Variants in KIF13B observed in about 807,000 individuals in gnomAD.
KIF13B encodes kinesin-like protein KIF13B.
Under a neutral mutation model 222.0 loss-of-function variants are expected in KIF13B, and 127 were observed. That is an observed-to-expected ratio of 0.57 (90% CI 0.50 to 0.66). The LOEUF is 0.66. Ranked by LOEUF, KIF13B falls within the 30% of genes least tolerant of loss-of-function variation. KIF13B has a pLI of 0.00. For synonymous variants in KIF13B, 976 were observed against 919.0 expected, an observed-to-expected ratio of 1.06 and a Z score of -1.12; for missense variants, 2,173 against 2,379.0, an observed-to-expected ratio of 0.91 and a Z score of 1.80.
At chr8:29,236,602 T>C (rs955836708) in intron 2 of KIF13B, among the ~76,000 whole-genome samples, 9 of 152,330 alleles carry the variant, frequency 5.9e-5, no homozygotes, top group Middle Eastern at 3.4e-3. Flanking sequence ...AACATAAAGA[T>C]AGTCACTACT....
At chr8:29,120,343 C>G (rs1251607590) in intron 29 of KIF13B, among the ~76,000 whole-genome samples, 1 of 98,082 alleles carries the variant, frequency 1.0e-5, no homozygotes, top group Non-Finnish European at 2.0e-5. Flanking sequence ...CCCGACCCCA[C>G]CACAGTCCCC....
Position 29,071,604 on chromosome 8 carries a change from A to C in KIF13B, c.5218+16T>G, listed in dbSNP as rs1342972012. ...CCCCCGGCACCACCCTGGAGCCCGG[A>C]GTGCCCGGTACCCACCTGAGGGCAG... On this transcript the variant is annotated intron_variant, in intron 39 of 39. Transcript: ENST00000524189. The surrounding 1 kb of genome is among the most constrained non-coding windows in gnomAD (Gnocchi z 4.9). 1.3e-6 allele frequency: 2 copies of C among 1,543,644 alleles called. No homozygotes were observed. Among genetic ancestry groups the C allele is most frequent in the Non-Finnish European group, 1.7e-6 (2 of 1,144,212 alleles).
intron 18 of KIF13B, among the ~76,000 whole-genome samples, chr8:29,144,952 GAGA>G (rs1367587127): frequency 2.0e-5 from 3 of 152,224 alleles, no homozygotes; most frequent in African/African-American, 7.2e-5. Context: ...AGAGGTTACG[GAGA>G]AAAGGGCTGC....
intron 38 of KIF13B, among the ~76,000 whole-genome samples, chr8:29,073,928 C>CT (rs1484137708): frequency 3.3e-5 from 5 of 152,208 alleles, no homozygotes; most frequent in Non-Finnish European, 7.3e-5. Flanking sequence ...CATAAATACT[C>CT]TAAAAGATTA....
At chr8:29,230,203 G>A (rs1352604580) in intron 2 of KIF13B, among the ~76,000 whole-genome samples, 1 of 152,094 alleles carries the variant, frequency 6.6e-6, no homozygotes, top group Admixed American at 6.5e-5. Flanking sequence ...TACACAGCTG[G>A]TAAACAGTAG....
chr8:29,203,592 G>T (rs563825979), intron 2 of KIF13B, among the ~76,000 whole-genome samples: 1 of 152,136 alleles, frequency 6.6e-6, no homozygotes, highest in East Asian at 1.9e-4. Context: ...TGAAACACAC[G>T]ACATTAAGAC....
intron 2 of KIF13B, among the ~76,000 whole-genome samples, chr8:29,204,432 G>C (rs1202358821): frequency 1.3e-5 from 2 of 152,124 alleles, no homozygotes; most frequent in African/African-American, 4.8e-5. Flanking sequence ...CTTAAATCTA[G>C]CCAGGTACAG....
At chr8:29,232,535 A>T (rs1440985837) in intron 2 of KIF13B, among the ~76,000 whole-genome samples, 1 of 151,764 alleles carries the variant, frequency 6.6e-6, no homozygotes, top group Non-Finnish European at 1.5e-5. Context: ...AAAAACAAAA[A>T]TAAAGTTAGT....
chr8:29,142,302 C>G lies in KIF13B; in HGVS notation c.2189G>C (p.Arg730Pro). ...TGCAGGCTCACTAAGAAGAGAGCCTCGCTGCAAAGAGAGTAAGAATGACCG... is the reference window on the plus strand; with the variant it reads ...TGCAGGCTCACTAAGAAGAGAGCCTGGCTGCAAAGAGAGTAAGAATGACCG... ...PASSLDANRKRGSLLSEPAIQ... is the reference protein window; with the variant it reads ...PASSLDANRKPGSLLSEPAIQ... The change falls in exon 19 of 40, where the codon CGA becomes CCA. Residue 730 changes from arginine to proline, a missense_variant and splice_region_variant. Physicochemically the swap from Arg to Pro is moderately radical, Grantham distance 103. Coordinates refer to ENST00000524189, the MANE Select transcript of KIF13B (RefSeq NM_015254.4). 6.2e-7 allele frequency: 1 copy of G among 1,610,526 alleles called. No homozygotes were observed. The highest frequency in any genetic ancestry group is 8.5e-7 in the Non-Finnish European group (1 of 1,178,192).
intron 5 of KIF13B, among the ~76,000 whole-genome samples, chr8:29,186,969 C>CA (rs766708048): frequency 0.04 from 2,709 of 68,186 alleles, 58 homozygotes; most frequent in African/African-American, 0.095. Flanking sequence ...ACTCCATCTC[C>CA]AAAAAAAAAA....
At chr8:29,196,257 AAAAT>A in intron 2 of KIF13B, 58 bp from the exon 3 acceptor site, 1 of 1,489,078 alleles carries the variant, frequency 6.7e-7, no homozygotes, top group Non-Finnish European at 9.0e-7. Context: ...AAAAAAAAAA[AAAAT>A]TTAGTTTAGA....
At chr8:29,222,515 C>CTTTTTTTTTTTTTTT (rs58488862) in intron 2 of KIF13B, among the ~76,000 whole-genome samples, 3 of 60,594 alleles carry the variant, frequency 5.0e-5, no homozygotes, top group African/African-American at 1.5e-4. Flanking sequence ...CCACACCTGA[C>CTTTTTTTTTTTTTTT]TTTTTTTTTT....
intron 37 of KIF13B, among the ~76,000 whole-genome samples, chr8:29,084,834 T>C (rs766422953): frequency 4.6e-5 from 7 of 152,372 alleles, no homozygotes; most frequent in Non-Finnish European, 1.0e-4. Context: ...TGAGTACAGA[T>C]TTCATTAATT....
At chr8:29,234,071 T>C (rs1025325908) in intron 2 of KIF13B, among the ~76,000 whole-genome samples, 4 of 152,196 alleles carry the variant, frequency 2.6e-5, no homozygotes, top group African/African-American at 9.6e-5. Context: ...CACTTCTTAA[T>C]AAGCTAAAGA....
rs1453489665 is a variant in KIF13B, at chr8:29,109,620, T to C, written c.4084-109A>G. On this transcript the variant is annotated intron_variant, in intron 33 of 39. Transcript: ENST00000524189. The stretch of plus-strand genomic sequence containing the variant: ...CCCCATCTATACAGACATTCCTAGC[T>C]ATTTAAACAATGCTGTTACGTGATT... 9.9e-5 allele frequency: 89 copies of C among 902,890 alleles called. No individual in the cohort carries two copies. The South Asian group carries it at 1.1e-3, about 12-fold the overall frequency. The allele number at this position is 902,890 out of a possible 1,614,324, so 55.9% of individuals were successfully genotyped here.
rs563149853 is a variant in KIF13B at position 29,106,490 on chromosome 8, G to A, written c.4215+1649C>T. ...CTACTAAAAATACAAAAGTTAGTAG[G>A]GCGTGGTGGCGAGTGCCTGCAATCC... On this transcript the variant is annotated intron_variant, in intron 35 of 39. Transcript: ENST00000524189. 2.6e-5 allele frequency among the ~76,000 whole-genome samples: 4 copies of A among 152,046 alleles called. No individual in the cohort carries two copies. In the South Asian group the frequency reaches 8.3e-4, roughly 32 times the overall value.
chr8:29,141,931 T>A (rs953685970), intron 19 of KIF13B, among the ~76,000 whole-genome samples: 4 of 152,102 alleles, frequency 2.6e-5, no homozygotes, highest in African/African-American at 9.7e-5. Flanking sequence ...AGAATTCTGC[T>A]AGAAATCTAA....
intron 4 of KIF13B, 71 bp downstream of exon 4, chr8:29,190,926 C>T (rs754257929): frequency 1.7e-6 from 2 of 1,195,286 alleles, no homozygotes; most frequent in South Asian, 1.2e-5. Context: ...GCCAAGCAAT[C>T]GTGTAAGGGA....
chr8:29,188,568 A>G lies in KIF13B; in HGVS notation c.263T>C (p.Leu88Pro), dbSNP rs1426507325. The change falls in exon 5 of 40, where the codon CTG becomes CCG. Residue 88 changes from leucine (L) to proline (P), a missense_variant. Coordinates refer to ENST00000524189, the MANE Select transcript of KIF13B (RefSeq NM_015254.4). ...IVFKCLGENI[L>P]QNAFDGYNAC... ...ATTGTAGCCATCAAAAGCATTCTGC[A>G]GGATATTCTCTCCAAGGCACTTGAA... is the stretch of plus-strand genomic sequence containing the variant. The G allele has an allele frequency of 1.2e-6, 2 of 1,612,632 alleles. No homozygotes were observed. Among genetic ancestry groups the G allele is most frequent in the South Asian group, 1.1e-5 (1 of 91,016 alleles).
Sources: allele counts gnomAD v4.1 joint callset (sites outside exome capture counted in the v4.1 genomes callset), GRCh38; gene constraint gnomAD v4.1.1; non-coding constraint Gnocchi (gnomAD v3.1); transcripts MANE v1.5; gene names NCBI Gene and HGNC (gene_info 2026-07-23, HGNC 2026-07-21).